The following PSD3 variants were observed in gnomAD, a reference collection of about 807,000 sequenced individuals.
PSD3 encodes PH and SEC7 domain-containing protein 3.
A neutral mutation model predicts 105.5 loss-of-function variants in PSD3; 49 were observed. The observed-to-expected ratio is 0.46, with a 90% CI of 0.37 to 0.59. The LOEUF is 0.59. PSD3 is among the 20% of genes least tolerant of loss of function. PSD3 has a pLI of 0.00. For missense variants in PSD3, 1,561 were observed against 1,263.8 expected (o/e 1.24, Z -3.57); for synonymous variants, 557 against 457.8 (o/e 1.22, Z -2.77).
At chr8:19,050,007 A>T (rs1828464210) in intron 1 of PSD3, among the ~76,000 whole-genome samples, 1 of 152,212 alleles carries the variant, frequency 6.6e-6, no homozygotes, top group African/African-American at 2.4e-5. Flanking sequence ...GTCTCAAATA[A>T]GCCAGGGCTT....
intron 15 of PSD3, among the ~76,000 whole-genome samples, chr8:18,544,181 AAAAAAAAAAAAAAAAAAC>A (rs1321995136): frequency 2.1e-4 from 11 of 51,644 alleles, no homozygotes; most frequent in East Asian, 1.7e-3. Flanking sequence ...CAAAAAAAAA[AAAAAAAAAAAAAAAAAAC>A]CAAACAAAAC....
At chr8:18,941,116 A>T (rs924522171) in intron 1 of PSD3, among the ~76,000 whole-genome samples, 1 of 152,192 alleles carries the variant, frequency 6.6e-6, no homozygotes, top group Non-Finnish European at 1.5e-5. Context: ...CAGAATTCAG[A>T]CTACTATTTC....
At chr8:18,625,354 T>A (rs1056419958) in intron 11 of PSD3, among the ~76,000 whole-genome samples, 1 of 152,200 alleles carries the variant, frequency 6.6e-6, no homozygotes, top group Non-Finnish European at 1.5e-5. Flanking sequence ...CCTATCTGTA[T>A]GTCTTATTAT....
chr8:19,028,774 T>C (rs2129476142), intron 1 of PSD3, among the ~76,000 whole-genome samples: 1 of 152,300 alleles, frequency 6.6e-6, no homozygotes, highest in Non-Finnish European at 1.5e-5. Flanking sequence ...GCCACAAAGA[T>C]TTTCTTCTAT....
intron 1 of PSD3, among the ~76,000 whole-genome samples, chr8:19,030,183 G>T (rs748587197): frequency 6.6e-6 from 1 of 152,108 alleles, no homozygotes; most frequent in African/African-American, 2.4e-5. Flanking sequence ...TCATGAATGG[G>T]TATTGAATTT....
intron 2 of PSD3, among the ~76,000 whole-genome samples, chr8:18,927,022 G>A (rs1251216227): frequency 6.6e-6 from 1 of 152,056 alleles, no homozygotes; most frequent in East Asian, 1.9e-4. Context: ...GTGCCTCACA[G>A]AACTCAGGGA....
chr8:18,614,779 C>T lies in PSD3; in HGVS notation c.2411-14345G>A, dbSNP rs11998444. ...GAGAAGCTGGGACTACAGGTGTGCA[C>T]CATCATGCCTGGCTAATTTTTTTTT... is the stretch of plus-strand genomic sequence containing the variant. On this transcript the variant is annotated intron_variant, in intron 11 of 15. Transcript: ENST00000327040. Among the ~76,000 whole-genome samples, 702 of 150,818 alleles carry T rather than the reference C, an allele frequency of 4.7e-3. 7 individuals carry two copies. The highest frequency in any genetic ancestry group is 0.016 in the African/African-American group (672 of 40,932).
chr8:18,635,044 T>C (rs866297615), intron 10 of PSD3, among the ~76,000 whole-genome samples: 2 of 152,312 alleles, frequency 1.3e-5, no homozygotes, highest in East Asian at 1.9e-4. Context: ...TATGGACACA[T>C]GGATATTTGT....
intron 14 of PSD3, among the ~76,000 whole-genome samples, chr8:18,566,275 A>G (rs1585256476): frequency 6.6e-6 from 1 of 152,330 alleles, no homozygotes; most frequent in East Asian, 1.9e-4. Context: ...CTGTAATTCC[A>G]GCACTTTGGG....
chr8:18,889,767 T>C (rs997967512), intron 2 of PSD3, among the ~76,000 whole-genome samples: 5 of 152,120 alleles, frequency 3.3e-5, no homozygotes, highest in African/African-American at 9.7e-5. Flanking sequence ...TGTCTCCCCA[T>C]ACCTGAATTT....
intron 9 of PSD3, among the ~76,000 whole-genome samples, chr8:18,681,528 A>G (rs912785646): frequency 6.6e-6 from 1 of 151,902 alleles, no homozygotes; most frequent in African/African-American, 2.4e-5. Flanking sequence ...GATACAAGTA[A>G]GATCAATGAA....
intron 2 of PSD3, among the ~76,000 whole-genome samples, chr8:18,927,085 G>C (rs1821416378): frequency 6.6e-6 from 1 of 152,142 alleles, no homozygotes; most frequent in Admixed American, 6.5e-5. Context: ...AAAGGACGCT[G>C]AAGAGATGCA....
Position 18,872,468 on chromosome 8 carries a change from G to A in PSD3, c.396C>T (p.Asp132=). The change falls in exon 3 of 16, where the codon GAC becomes GAT. Residue 132 remains aspartate, a synonymous_variant. Coordinates refer to ENST00000327040, the MANE Select transcript of PSD3 (RefSeq NM_015310.4). Reference sequence around the variant, plus strand: ...TGGCTTTCAGAGCTGAAATCAAAGAGTCAATGGGCTGTAAACTTTGTTCCT... The same window carrying A: ...TGGCTTTCAGAGCTGAAATCAAAGAATCAATGGGCTGTAAACTTTGTTCCT... The part of the protein sequence containing the change: ...HLKEQSLQPI[D]SLISALKATE... 6.2e-7 allele frequency: 1 copy of A among 1,614,170 alleles called. No individual in the cohort carries two copies. The highest frequency in any genetic ancestry group is 1.1e-5 in the South Asian group (1 of 91,078).
At chr8:19,032,219 A>G (rs2129476261) in intron 1 of PSD3, among the ~76,000 whole-genome samples, 1 of 152,140 alleles carries the variant, frequency 6.6e-6, no homozygotes, top group South Asian at 2.1e-4. Flanking sequence ...AGGAATTTTT[A>G]TTTTTAAAAG....
intron 1 of PSD3, among the ~76,000 whole-genome samples, chr8:18,956,190 G>A (rs1016633294): frequency 1.1e-4 from 17 of 152,200 alleles, no homozygotes; most frequent in African/African-American, 3.6e-4. Context: ...TGTAAAACAC[G>A]CTTAGAAAAT....
At chr8:18,704,050 C>T (rs142274255) in intron 9 of PSD3, among the ~76,000 whole-genome samples, 1 of 152,218 alleles carries the variant, frequency 6.6e-6, no homozygotes, top group African/African-American at 2.4e-5. Context: ...GATGAAAAAG[C>T]AAGAAACAAA....
At chr8:18,800,755 C>T (rs911195757) in intron 7 of PSD3, among the ~76,000 whole-genome samples, 4 of 152,082 alleles carry the variant, frequency 2.6e-5, no homozygotes, top group African/African-American at 4.8e-5. Context: ...TAATATCAAA[C>T]GAAAGCACCA....
chr8:18,945,966 C>G (rs1413159645), intron 1 of PSD3, among the ~76,000 whole-genome samples: 1 of 151,846 alleles, frequency 6.6e-6, no homozygotes, highest in Non-Finnish European at 1.5e-5. Context: ...GAGTGAGACT[C>G]CATCTCCAAA....
At chr8:18,921,760 C>T (rs551350562) in intron 2 of PSD3, among the ~76,000 whole-genome samples, 41 of 152,240 alleles carry the variant, frequency 2.7e-4, no homozygotes, top group African/African-American at 9.4e-4. Flanking sequence ...TATGCAGAGG[C>T]CATAAGCCCA....
Sources: allele counts gnomAD v4.1 joint callset (sites outside exome capture counted in the v4.1 genomes callset), GRCh38; gene constraint gnomAD v4.1.1; transcripts MANE v1.5; gene names NCBI Gene and HGNC (gene_info 2026-07-23, HGNC 2026-07-21).